ZC3H7A: variants seen among roughly 807,000 people sequenced by gnomAD.
The protein encoded by ZC3H7A is zinc finger CCCH domain-containing protein 7A.
Under a neutral mutation model 125.5 loss-of-function variants are expected in ZC3H7A, and 44 were observed. The ratio of observed to expected loss-of-function variants is 0.35; its 90% CI spans 0.28 to 0.45. The LOEUF (loss-of-function observed/expected upper bound fraction) is 0.45. Ranked by LOEUF, ZC3H7A falls within the 20% of genes least tolerant of loss-of-function variation. ZC3H7A has a pLI of 1.00. For synonymous variants in ZC3H7A, 399 were observed against 391.2 expected (o/e 1.02, Z -0.23); for missense variants, 977 against 1,170.7 (o/e 0.83, Z 2.41).
chr16:11,770,642 A>G, intron 10 of ZC3H7A, 141 bp downstream of exon 10: 2 of 852,554 alleles, frequency 2.3e-6, no homozygotes, highest in Non-Finnish European at 1.7e-6. Context: ...TCAAAACTGA[A>G]GGCTTAGTCT....
chr16:11,758,718 T>C, intron 19 of ZC3H7A, 179 bp from the exon 20 acceptor site: 4 of 555,348 alleles, frequency 7.2e-6, no homozygotes, highest in South Asian at 4.6e-5. Flanking sequence ...TGAAATGATA[T>C]TAAGGTTTCT....
intron 1 of ZC3H7A, 118 bp downstream of exon 1, chr16:11,797,006 C>T (rs919321746): frequency 2.0e-5 from 3 of 147,640 alleles, no homozygotes; most frequent in Admixed American, 6.7e-5. Flanking sequence ...CCCTCCCCCG[C>T]CCCGCCCGCC....
At chr16:11,759,592 C>T (rs757366014) in intron 19 of ZC3H7A, 1 of 152,180 alleles carries the variant, frequency 6.6e-6, no homozygotes, top group Non-Finnish European at 1.5e-5. Flanking sequence ...TCTTTCAAAG[C>T]TCAATGATAA....
chr16:11,797,044 A>AGGCGGCGGCGCGCGCGGGGAG (rs2053451379), intron 1 of ZC3H7A, 80 bp downstream of exon 1: 1 of 141,356 alleles, frequency 7.1e-6, no homozygotes, highest in African/African-American at 2.5e-5. Flanking sequence ...CGCGAGCACG[A>AGGCGGCGGCGCGCGCGGGGAG]GGCGGCGGCG....
At chr16:11,775,095 G>A (rs562420309) in intron 7 of ZC3H7A, 82 bp from the exon 8 acceptor site, 37 of 1,469,508 alleles carry the variant, frequency 2.5e-5, no homozygotes, top group South Asian at 9.2e-5. Flanking sequence ...ACCCTAGGCC[G>A]GGCACAGTGG....
At chr16:11,767,605 T>TA (rs753867426) in intron 12 of ZC3H7A, 27 bp from the exon 13 acceptor site, 1 of 1,504,312 alleles carries the variant, frequency 6.6e-7, no homozygotes, top group South Asian at 1.3e-5. Flanking sequence ...GAGGATTGCT[T>TA]ATATGCACAA....
In ZC3H7A at chr16:11,783,201, A is replaced by G. The variant is rs552439200; in HGVS notation, c.-34-813T>C. ...AAACCTTATACATATTTTGTCCCACAAACTTCCAAAATGATTATTGTTGAT... is the reference window on the plus strand; with the variant it reads ...AAACCTTATACATATTTTGTCCCACGAACTTCCAAAATGATTATTGTTGAT... On this transcript the variant is annotated intron_variant, in intron 1 of 22. Coordinates refer to ENST00000355758, the MANE Select transcript of ZC3H7A (RefSeq NM_014153.4). 4.6e-5 allele frequency among the ~76,000 whole-genome samples: 7 copies of G among 152,322 alleles called. 1 individual carries two copies. The South Asian group carries it at 1.4e-3, about 32-fold the overall frequency.
intron 16 of ZC3H7A, 47 bp from the exon 17 acceptor site, chr16:11,762,794 C>G: frequency 6.3e-7 from 1 of 1,589,600 alleles, no homozygotes; most frequent in Middle Eastern, 1.7e-4. Context: ...ATAAGAACAA[C>G]AGCCCACCAA....
Position 11,765,783 on chromosome 16 carries a change from G to T in ZC3H7A, c.1523-98C>A. ...GAGGTGGGAGGATCCCTTGAGCCCA[G>T]GAGTTCAAGGCTGCGGTGAGCAATG... On this transcript the variant is annotated intron_variant, in intron 13 of 22. Coordinates refer to ENST00000355758, the MANE Select transcript of ZC3H7A (RefSeq NM_014153.4). This position sits in a 1 kb window ranked among gnomAD's most constrained non-coding sequence, Gnocchi z 4.8. 1.7e-6 allele frequency: 2 copies of T among 1,202,550 alleles called. No homozygotes were observed. The highest frequency in any genetic ancestry group is 1.5e-5 in the African/African-American group (1 of 65,970). The allele number at this position is 1,202,550 out of a possible 1,614,324, so 74.5% of individuals were successfully genotyped here.
intron 1 of ZC3H7A, chr16:11,783,143 C>T (rs1474015523): frequency 6.6e-6 from 1 of 152,098 alleles, no homozygotes; most frequent in Non-Finnish European, 1.5e-5. Context: ...CGCTTGCCTC[C>T]GAGGGAGTCT....
chr16:11,780,896 T>TC (rs1365510317), intron 3 of ZC3H7A, among the ~76,000 whole-genome samples: 1 of 152,072 alleles, frequency 6.6e-6, no homozygotes, highest in East Asian at 1.9e-4. Flanking sequence ...TGGTATCCAG[T>TC]CCCCCTTAGC....
intron 19 of ZC3H7A, chr16:11,759,778 CTACACACA>C (rs1017077810): frequency 6.6e-6 from 1 of 152,230 alleles, no homozygotes; most frequent in African/African-American, 2.4e-5. Flanking sequence ...ACCACACTCT[CTACACACA>C]TACACACATA....
Position 11,768,605 on chromosome 16 carries a change from A to C in ZC3H7A, c.1174-104T>G. The stretch of plus-strand genomic sequence containing the variant: ...ATCTGAAAAATAAGATAATCTTCAT[A>C]AACTGAGGTCAGTACTACTCCATCC... On this transcript the variant is annotated intron_variant, in intron 11 of 22. Coordinates refer to ENST00000355758, the MANE Select transcript of ZC3H7A (RefSeq NM_014153.4). 5.7e-6 allele frequency: 6 copies of C among 1,054,046 alleles called. No individual in the cohort carries two copies. In the South Asian group the frequency reaches 9.1e-5, roughly 16 times the overall value. 65.3% of individuals were successfully genotyped at this position (1,054,046 alleles called of 1,614,324 possible). A position where few individuals can be genotyped will look rare whatever the true frequency, so the allele number is the denominator to read the frequency against.
intron 2 of ZC3H7A, 127 bp from the exon 3 acceptor site, chr16:11,781,591 C>T (rs1365702751): frequency 1.2e-6 from 1 of 808,832 alleles, no homozygotes; most frequent in Non-Finnish European, 2.0e-6. Flanking sequence ...CAAAGACTTC[C>T]TCCTCCTTTA....
intron 20 of ZC3H7A, among the ~76,000 whole-genome samples, chr16:11,757,073 A>G (rs556049357): frequency 1.1e-3 from 163 of 152,302 alleles, no homozygotes; most frequent in African/African-American, 3.7e-3. Flanking sequence ...TGTGCATTAC[A>G]GGATGGTGAG....
chr16:11,780,757 T>C (rs1309941642), intron 3 of ZC3H7A, among the ~76,000 whole-genome samples: 1 of 152,012 alleles, frequency 6.6e-6, no homozygotes, highest in Non-Finnish European at 1.5e-5. Flanking sequence ...TTTAGAAGCC[T>C]CAAAACCCTC....
rs190594156 is a variant in ZC3H7A, at chr16:11,793,815, C to T, written c.-35+3309G>A. ...TATTGGATACTTTATGAAACAGTTT[C>T]TCCCTTTTACTGAAAAGGAAAATTT... On this transcript the variant is annotated intron_variant, in intron 1 of 22. Transcript: ENST00000355758. Among the ~76,000 whole-genome samples the T allele has an allele frequency of 3.3e-5, 5 of 152,304 alleles. No homozygotes were observed. In the East Asian group the frequency reaches 9.6e-4, roughly 29 times the overall value.
intron 1 of ZC3H7A, among the ~76,000 whole-genome samples, chr16:11,791,892 C>G (rs753097715): frequency 8.5e-5 from 13 of 152,122 alleles, no homozygotes; most frequent in Non-Finnish European, 1.6e-4. Flanking sequence ...AAAAAGAATT[C>G]CAGGGAAGAA....
chr16:11,782,436 G>T (rs2053187577), intron 1 of ZC3H7A, 48 bp from the exon 2 acceptor site: 6 of 1,507,732 alleles, frequency 4.0e-6, no homozygotes, highest in Non-Finnish European at 5.5e-6. Flanking sequence ...AGGGTCCCTG[G>T]ACTCCAATGA....
Sources: allele counts gnomAD v4.1 joint callset (sites outside exome capture counted in the v4.1 genomes callset), GRCh38; gene constraint gnomAD v4.1.1; non-coding constraint Gnocchi (gnomAD v3.1); transcripts MANE v1.5; gene names NCBI Gene and HGNC (gene_info 2026-07-23, HGNC 2026-07-21).